PRICKLE2: variants seen among roughly 807,000 people sequenced by gnomAD.
PRICKLE2 encodes the protein prickle-like protein 2.
In PRICKLE2, 21 loss-of-function variants were observed where a neutral mutation model predicts 81.4. The observed-to-expected ratio is 0.26, with a 90% confidence interval of 0.18 to 0.37. The LOEUF (loss-of-function observed/expected upper bound fraction) is 0.37. PRICKLE2 is among the 10% of genes least tolerant of loss of function. PRICKLE2 has a pLI of 1.00. For missense variants in PRICKLE2, 940 were observed against 1,109.0 expected, an observed-to-expected ratio of 0.85 and a Z score of 2.16; for synonymous variants, 456 against 421.5, an observed-to-expected ratio of 1.08 and a Z score of -1.00.
At chr3:64,228,092 A>T (rs899972984), upstream of PRICKLE2, among the ~76,000 whole-genome samples, 2 of 152,202 alleles carry the variant, frequency 1.3e-5, no homozygotes, top group African/African-American at 4.8e-5. Flanking sequence ...CCAGGACAAG[A>T]CAACTATATT....
chr3:64,155,685 T>C (rs1352026374), intron 5 of PRICKLE2, among the ~76,000 whole-genome samples: 2 of 152,202 alleles, frequency 1.3e-5, no homozygotes, highest in Non-Finnish European at 2.9e-5. Context: ...CAACTGAATA[T>C]TATTCAGCCA....
rs763484645 is a variant in PRICKLE2 at position 64,147,853 on chromosome 3, G to T, written c.788-151C>A. ...CAACAATCAGACCCTTATGTAAATGGTATTCACGTCCTATTACGAGAAGTC... is the reference window on the plus strand; with the variant it reads ...CAACAATCAGACCCTTATGTAAATGTTATTCACGTCCTATTACGAGAAGTC... On this transcript the variant is annotated intron_variant, in intron 6 of 7. Coordinates refer to ENST00000638394, the MANE Select transcript of PRICKLE2 (RefSeq NM_198859.4). The surrounding 1 kb of genome is among the most constrained non-coding windows in gnomAD (Gnocchi z 5.0). 136 of 827,572 alleles carry T rather than the reference G, an allele frequency of 1.6e-4. No individual in the cohort carries two copies. The highest frequency in any genetic ancestry group is 2.7e-4 in the Non-Finnish European group (134 of 503,618). The allele number at this position is 827,572 out of a possible 1,614,324, so 51.3% of individuals were successfully genotyped here.
In PRICKLE2 at chr3:64,099,202, A is replaced by C; in HGVS notation, c.2384T>G (p.Ile795Ser). Residue 795 changes from isoleucine to serine, a missense_variant, in exon 8 of 8, where the codon ATC becomes AGC. Ile to Ser is a moderately radical substitution (Grantham distance 142, BLOSUM62 -2). Coordinates refer to ENST00000638394, the MANE Select transcript of PRICKLE2 (RefSeq NM_198859.4). This position sits in a 1 kb window ranked among gnomAD's most constrained non-coding sequence, Gnocchi z 4.3. ...GTATCGCAGGCGCGCTGGCTGGGGGATGGGTTCTCCTAGGAAATAGCCCTC... is the reference window on the plus strand; with the variant it reads ...GTATCGCAGGCGCGCTGGCTGGGGGCTGGGTTCTCCTAGGAAATAGCCCTC... ...DNEGYFLGEP[I>S]PQPARLRYVT... 6.2e-7 allele frequency: 1 copy of C among 1,614,088 alleles called. No homozygotes were observed. The highest frequency in any genetic ancestry group is 1.3e-5 in the African/African-American group (1 of 75,018).
intron 7 of PRICKLE2, among the ~76,000 whole-genome samples, chr3:64,108,127 G>C (rs2076784816): frequency 6.6e-6 from 1 of 152,204 alleles, no homozygotes; most frequent in Non-Finnish European, 1.5e-5. Flanking sequence ...TTGCTTTCCA[G>C]ATTTGGGGAG....
At chr3:64,146,495 C>T (rs1338930083) in intron 7 of PRICKLE2, 2 of 303,878 alleles carry the variant, frequency 6.6e-6, no homozygotes, top group African/African-American at 4.3e-5. Context: ...TGTAATCCTA[C>T]CACTTTGGGA....
upstream of PRICKLE2, among the ~76,000 whole-genome samples, chr3:64,227,869 T>A (rs1211893347): frequency 2.0e-5 from 3 of 152,280 alleles, no homozygotes; most frequent in South Asian, 6.2e-4. Context: ...AGTAACCAGT[T>A]AAAATTCAAA....
chr3:64,104,129 G>A (rs1355442503), intron 7 of PRICKLE2, among the ~76,000 whole-genome samples: 1 of 152,216 alleles, frequency 6.6e-6, no homozygotes, highest in Non-Finnish European at 1.5e-5. Flanking sequence ...TGGGATAACT[G>A]TCAGGGCAAT....
intron 6 of PRICKLE2, among the ~76,000 whole-genome samples, chr3:64,151,078 G>A (rs1401465529): frequency 4.6e-5 from 7 of 152,148 alleles, no homozygotes; most frequent in African/African-American, 1.7e-4. Context: ...CTGTGCACAG[G>A]CAAAAGTACC....
At chr3:64,119,578 G>C (rs1285653790) in intron 7 of PRICKLE2, among the ~76,000 whole-genome samples, 3 of 152,168 alleles carry the variant, frequency 2.0e-5, no homozygotes, top group African/African-American at 7.2e-5. Context: ...TGAGGCTGTG[G>C]AGAAAAGAGA....
intron 3 of PRICKLE2, among the ~76,000 whole-genome samples, chr3:64,160,666 A>G (rs2077718310): frequency 3.3e-5 from 5 of 152,218 alleles, no homozygotes; most frequent in Admixed American, 3.3e-4. Flanking sequence ...TTGTAGAGAG[A>G]GGAACAAGCT....
chr3:64,195,627 C>T (rs537695105), intron 2 of PRICKLE2, among the ~76,000 whole-genome samples: 195 of 151,690 alleles, frequency 1.3e-3, no homozygotes, highest in African/African-American at 4.3e-3. Flanking sequence ...TATTAGTGAA[C>T]GGCATTTAGG....
At chr3:64,124,603 CA>C (rs35919048) in intron 7 of PRICKLE2, among the ~76,000 whole-genome samples, 23,589 of 151,994 alleles carry the variant, frequency 0.16, 2,182 homozygotes, top group Non-Finnish European at 0.21. Flanking sequence ...TTGACCAGTT[CA>C]AAAATCTTAG....
chr3:64,193,909 T>G (rs951883454), intron 2 of PRICKLE2, among the ~76,000 whole-genome samples: 1 of 152,250 alleles, frequency 6.6e-6, no homozygotes, highest in Admixed American at 6.5e-5. Flanking sequence ...CAGTTAAATC[T>G]CTTTCCTTTG....
chr3:64,182,126 T>C (rs1000964517), intron 2 of PRICKLE2, among the ~76,000 whole-genome samples: 3 of 152,100 alleles, frequency 2.0e-5, no homozygotes, highest in Admixed American at 2.0e-4. Context: ...TATTCCCCAA[T>C]GCAACAGTGT....
intron 2 of PRICKLE2, among the ~76,000 whole-genome samples, chr3:64,267,224 C>G (rs2079724538): frequency 6.6e-6 from 1 of 152,098 alleles, no homozygotes. Flanking sequence ...ACTCTCTCAT[C>G]TCCAAACTAT....
At chr3:64,180,279 TTA>T (rs2078105359) in intron 2 of PRICKLE2, among the ~76,000 whole-genome samples, 3 of 152,182 alleles carry the variant, frequency 2.0e-5, no homozygotes, top group Admixed American at 6.5e-5. Flanking sequence ...TTCCTGAGAG[TTA>T]TCTATGTATG....
In PRICKLE2 at chr3:64,147,067, C is replaced by T. The variant is rs754932755; in HGVS notation, c.1423G>A (p.Gly475Arg). 4.3e-6 allele frequency: 7 copies of T among 1,614,124 alleles called. No homozygotes were observed. In the South Asian group the frequency reaches 4.4e-5, roughly 10 times the overall value. Residue 475 changes from glycine (G) to arginine (R), a missense_variant, in exon 7 of 8, where the codon GGG (glycine) becomes AGG (arginine). This residue lies in a region of PRICKLE2 where 670 missense variants were observed against 717.2 expected (regional missense o/e 0.93). Transcript: ENST00000638394. The surrounding 1 kb of genome is among the most constrained non-coding windows in gnomAD (Gnocchi z 5.0). ...IKECREDYYPGRLRSQESYSD... is the reference protein window; with the variant it reads ...IKECREDYYPRRLRSQESYSD... ...TAGCTCTCCTGAGATCTCAGCCTCC[C>T]CGGGTAATAGTCTTCTCGGCATTCC...
rs961600219 is a variant in PRICKLE2, at chr3:64,166,912, T to C, written c.145-3783A>G. Among the ~76,000 whole-genome samples, 8 of 152,138 alleles carry C rather than the reference T, an allele frequency of 5.3e-5. 1 individual carries two copies. Among genetic ancestry groups the C allele is most frequent in the Admixed American group, 2.0e-4 (3 of 15,280 alleles). ...CTCCTGGTGTTTAGATGCTGGACTT[T>C]CCAAATTTTTCACTGAGCAAAGGGG... On this transcript the variant is annotated intron_variant, in intron 2 of 7. Coordinates refer to ENST00000638394, the MANE Select transcript of PRICKLE2 (RefSeq NM_198859.4).
intron 7 of PRICKLE2, among the ~76,000 whole-genome samples, chr3:64,111,072 C>T (rs1306965891): frequency 3.3e-5 from 5 of 151,890 alleles, no homozygotes; most frequent in Admixed American, 6.6e-5. Flanking sequence ...TTGGAGTTCA[C>T]CTTCCAGTTC....
Sources: gnomAD v4.1 joint callset for allele counts (sites outside exome capture counted in the v4.1 genomes callset) on GRCh38, gnomAD v4.1.1 for gene constraint, gnomAD v4.1.1 regional missense constraint, Gnocchi (gnomAD v3.1) non-coding constraint, MANE v1.5 for transcripts, NCBI Gene and HGNC (gene_info 2026-07-23, HGNC 2026-07-21) for gene names.